LRIG1: variants seen among roughly 807,000 people sequenced by gnomAD.
LRIG1 encodes leucine-rich repeats and immunoglobulin-like domains protein 1.
In LRIG1, 48 loss-of-function variants were observed where a neutral mutation model predicts 99.2. The observed-to-expected ratio is 0.48, with a 90% CI of 0.38 to 0.62. LRIG1 has a LOEUF of 0.62. Among genes scored for constraint, LRIG1 ranks in the 20% least tolerant of loss-of-function variants. The probability of loss-of-function intolerance (pLI) is 0.00; values close to 1 mark genes in which losing one functional copy is unlikely to be tolerated. For missense variants in LRIG1, 1,646 were observed against 1,434.4 expected, an observed-to-expected ratio of 1.15 and a Z score of -2.38; for synonymous variants, 772 against 596.1, an observed-to-expected ratio of 1.29 and a Z score of -4.30.
chr3:66,500,058 ACACGCACAAG>A, intron 1 of LRIG1, 122 bp downstream of exon 1: 4 of 667,728 alleles, frequency 6.0e-6, no homozygotes, highest in Non-Finnish European at 9.5e-6. Flanking sequence ...CAGTCTTCCA[ACACGCACAAG>A]CACGCACAAC....
chr3:66,460,138 T>C (rs975677498), intron 2 of LRIG1, among the ~76,000 whole-genome samples: 3 of 152,170 alleles, frequency 2.0e-5, no homozygotes, highest in Non-Finnish European at 4.4e-5. Flanking sequence ...CTGTTCACTC[T>C]TGTAGCCCCA....
At chr3:66,383,891 C>G in intron 14 of LRIG1, 100 bp downstream of exon 14, 1 of 1,486,150 alleles carries the variant, frequency 6.7e-7, no homozygotes, top group Non-Finnish European at 9.0e-7. Context: ...GGTCGAAAGG[C>G]CCACAACGCA....
In LRIG1 at chr3:66,482,929, G is replaced by A. The variant is rs573365570; in HGVS notation, c.218+17261C>T. Among the ~76,000 whole-genome samples the A allele has an allele frequency of 5.9e-5, 9 of 152,116 alleles. No homozygotes were observed. In the South Asian group the frequency reaches 6.3e-4, roughly 11 times the overall value. The stretch of plus-strand genomic sequence containing the variant: ...CTATCCAGTGATAATATTTATCACC[G>A]AACAATGAAATCAGTTGTTTTTTCT... On this transcript the variant is annotated intron_variant, in intron 1 of 18. Transcript: ENST00000273261.
chr3:66,407,199 G>T, intron 8 of LRIG1, 149 bp downstream of exon 8: 3 of 745,166 alleles, frequency 4.0e-6, no homozygotes, highest in Non-Finnish European at 6.5e-6. Flanking sequence ...TTACATAAAA[G>T]TTTGAGACTC....
intron 16 of LRIG1, among the ~76,000 whole-genome samples, chr3:66,381,907 C>T (rs553126776): frequency 1.3e-5 from 2 of 152,266 alleles, no homozygotes; most frequent in South Asian, 4.1e-4. Flanking sequence ...ATCCTGGTGA[C>T]AGCTTTCCAG....
intron 1 of LRIG1, among the ~76,000 whole-genome samples, chr3:66,483,160 T>C (rs6789830): frequency 0.055 from 8,389 of 152,094 alleles, 780 homozygotes; most frequent in African/African-American, 0.19. Context: ...AAGATCTCGA[T>C]AGCCATTAAA....
At chr3:66,391,166 T>C (rs73833483) in intron 12 of LRIG1, among the ~76,000 whole-genome samples, 2,495 of 152,278 alleles carry the variant, frequency 0.016, 76 homozygotes, top group African/African-American at 0.057. Context: ...TAATAACACA[T>C]GCTAGCAAAA....
Position 66,405,862 on chromosome 3 carries a change from C to G in LRIG1, c.1080-584G>C, listed in dbSNP as rs1003208220. On this transcript the variant is annotated intron_variant, in intron 8 of 18. Coordinates refer to ENST00000273261, the MANE Select transcript of LRIG1 (RefSeq NM_015541.3). The stretch of plus-strand genomic sequence containing the variant: ...CTGAGTCAGACTTGTGACCCACTCG[C>G]CAGGATCAGAGGGATGAGGCCAACT... 4 of 1,103,090 alleles carry G rather than the reference C, an allele frequency of 3.6e-6. No homozygotes were observed. In the African/African-American group the frequency reaches 6.7e-5, roughly 18 times the overall value. The allele number at this position is 1,103,090 out of a possible 1,614,324, so 68.3% of individuals were successfully genotyped here. A position where few individuals can be genotyped will look rare whatever the true frequency, so the allele number is the denominator to read the frequency against.
chr3:66,478,331 G>T (rs1700770587), intron 1 of LRIG1, among the ~76,000 whole-genome samples: 2 of 152,226 alleles, frequency 1.3e-5, no homozygotes, highest in Admixed American at 1.3e-4. Flanking sequence ...GTGTAGGACA[G>T]CCAACCCATG....
At chr3:66,384,882 T>A (rs1374594440) in intron 13 of LRIG1, among the ~76,000 whole-genome samples, 1 of 151,914 alleles carries the variant, frequency 6.6e-6, no homozygotes, top group Non-Finnish European at 1.5e-5. Context: ...ACCACCAGAG[T>A]TCCTGTCAAC....
intron 9 of LRIG1, among the ~76,000 whole-genome samples, chr3:66,400,034 T>C (rs550972669): frequency 1.3e-5 from 2 of 152,306 alleles, no homozygotes; most frequent in East Asian, 3.9e-4. Context: ...CGTTACATGA[T>C]GTCAGTGGGC....
At chr3:66,419,826 C>T (rs1055309432) in intron 3 of LRIG1, among the ~76,000 whole-genome samples, 2 of 152,118 alleles carry the variant, frequency 1.3e-5, no homozygotes, top group African/African-American at 2.4e-5. Context: ...CCTTGAAACA[C>T]CCTGCCCTGG....
At chr3:66,387,167 A>G (rs1026510581) in intron 12 of LRIG1, 4 of 151,366 alleles carry the variant, frequency 2.6e-5, no homozygotes, top group South Asian at 2.1e-4. Flanking sequence ...TGAGGGGACA[A>G]TACCCATGGG....
chr3:66,399,032 A>C lies in LRIG1; in HGVS notation c.1170T>G (p.Phe390Leu). ...TAGCCACAGACTTGATCTTGTTTCC[A>C]AACAGAGTCCTGTAGTTTCCAAACA... is the stretch of plus-strand genomic sequence containing the variant. ...GLDSLSKLTLFGNKIKSVAKR... is the reference protein window; with the variant it reads ...GLDSLSKLTLLGNKIKSVAKR... Residue 390 changes from phenylalanine (F) to leucine (L), a missense_variant, in exon 10 of 19, where the codon TTT becomes TTG. By Grantham distance (22) the Phe-to-Leu change is conservative. Transcript: ENST00000273261. The C allele has an allele frequency of 6.2e-7, 1 of 1,614,078 alleles. No individual in the cohort carries two copies. Among genetic ancestry groups the C allele is most frequent in the Non-Finnish European group, 8.5e-7 (1 of 1,179,930 alleles).
intron 1 of LRIG1, among the ~76,000 whole-genome samples, chr3:66,470,956 T>C (rs1301269688): frequency 6.6e-6 from 1 of 152,202 alleles, no homozygotes; most frequent in African/African-American, 2.4e-5. Context: ...CCCATAATAG[T>C]CTCTTGTTAA....
chr3:66,405,050 A>C, intron 9 of LRIG1, 148 bp downstream of exon 9: 1 of 675,724 alleles, frequency 1.5e-6, no homozygotes, highest in East Asian at 2.8e-5. Flanking sequence ...TCTTCTCCAC[A>C]AACAAAACAA....
At chr3:66,477,313 C>G (rs747041501) in intron 1 of LRIG1, among the ~76,000 whole-genome samples, 1 of 152,210 alleles carries the variant, frequency 6.6e-6, no homozygotes, top group Non-Finnish European at 1.5e-5. Flanking sequence ...AGACACACCA[C>G]GACCCGGGTC....
intron 8 of LRIG1, 92 bp downstream of exon 8, chr3:66,407,256 A>G: frequency 7.2e-7 from 1 of 1,396,882 alleles, no homozygotes; most frequent in East Asian, 2.3e-5. Flanking sequence ...ACTCGAAGCC[A>G]ACGCAAATGG....
intron 10 of LRIG1, 78 bp downstream of exon 10, chr3:66,398,892 G>C (rs904587116): frequency 5.9e-6 from 7 of 1,179,024 alleles, no homozygotes; most frequent in South Asian, 2.5e-5. Context: ...ACAAAGATGC[G>C]ATTAAATTGC....
Sources: allele counts gnomAD v4.1 joint callset (sites outside exome capture counted in the v4.1 genomes callset), GRCh38; gene constraint gnomAD v4.1.1; transcripts MANE v1.5; gene names NCBI Gene and HGNC (gene_info 2026-07-23, HGNC 2026-07-21).